The following SNX13 variants were observed in gnomAD, a reference collection of about 807,000 sequenced individuals.
The protein encoded by SNX13 is sorting nexin-13.
In SNX13, 45 loss-of-function variants were observed where a neutral mutation model predicts 133.6. The ratio of observed to expected loss-of-function variants is 0.34; its 90% CI spans 0.27 to 0.43. The LOEUF (loss-of-function observed/expected upper bound fraction) is 0.43, where lower values mean the gene tolerates loss of function less well. Ranked by LOEUF, SNX13 falls within the 20% of genes least tolerant of loss-of-function variation. The pLI, the probability that SNX13 is intolerant of heterozygous loss-of-function variation, is 1.00. For synonymous variants in SNX13, 414 were observed against 373.9 expected (o/e 1.11, Z -1.24); for missense variants, 1,032 against 1,145.1 (o/e 0.90, Z 1.43).
intron 11 of SNX13, among the ~76,000 whole-genome samples, chr7:17,848,522 A>G (rs145136171): frequency 3.3e-5 from 5 of 152,302 alleles, no homozygotes; most frequent in Admixed American, 6.5e-5. Flanking sequence ...GAGCTAAGAG[A>G]GCGCTGTAAC....
At chr7:17,826,877 G>C (rs1391234743) in intron 16 of SNX13, among the ~76,000 whole-genome samples, 1 of 152,062 alleles carries the variant, frequency 6.6e-6, no homozygotes, top group Non-Finnish European at 1.5e-5. Context: ...TAACATGGCA[G>C]CCTGAAACTG....
intron 1 of SNX13, among the ~76,000 whole-genome samples, chr7:17,916,704 T>C (rs1583770031): frequency 6.7e-6 from 1 of 148,264 alleles, no homozygotes; most frequent in African/African-American, 2.5e-5. Context: ...CTGGACCAGA[T>C]GGATTCACAG....
chr7:17,923,940 T>C (rs962733095), intron 1 of SNX13, among the ~76,000 whole-genome samples: 2 of 152,204 alleles, frequency 1.3e-5, no homozygotes, highest in African/African-American at 4.8e-5. Context: ...CTAGATATGA[T>C]AGAATTCATC....
At chr7:17,910,540 G>T (rs1271146149) in intron 1 of SNX13, among the ~76,000 whole-genome samples, 1 of 152,134 alleles carries the variant, frequency 6.6e-6, no homozygotes, top group Non-Finnish European at 1.5e-5. Context: ...ATTATGATAT[G>T]ACTCAGCAAT....
At chr7:17,902,565 G>A (rs1311972031) in intron 1 of SNX13, among the ~76,000 whole-genome samples, 1 of 151,956 alleles carries the variant, frequency 6.6e-6, no homozygotes, top group Non-Finnish European at 1.5e-5. Flanking sequence ...AAATAATTGG[G>A]TTCTAATTAT....
At chr7:17,926,778 TGGGG>T (rs1800797822) in intron 1 of SNX13, among the ~76,000 whole-genome samples, 1 of 151,930 alleles carries the variant, frequency 6.6e-6, no homozygotes, top group Non-Finnish European at 1.5e-5. Flanking sequence ...CCCAGCTACT[TGGGG>T]GGCTGAGGCA....
rs1254247266 is a variant in SNX13 at position 17,868,241 on chromosome 7, T to C, written c.837+166A>G. The C allele has an allele frequency of 5.1e-6, 3 of 590,512 alleles. No homozygotes were observed. In the African/African-American group the frequency reaches 5.8e-5, roughly 11 times the overall value. 36.6% of individuals were successfully genotyped at this position (590,512 alleles called of 1,614,324 possible). ...CTTAAAGAGAATTTGGCCAACACATTCAAAATATAAGCAAATAAAAATATT... is the reference window on the plus strand; with the variant it reads ...CTTAAAGAGAATTTGGCCAACACATCCAAAATATAAGCAAATAAAAATATT... On this transcript the variant is annotated intron_variant, in intron 9 of 25. Transcript: ENST00000428135.
rs1398070368 is a variant in SNX13 at position 17,857,942 on chromosome 7, A to T, written c.838-6978T>A. ...GAAGCACAAAAAACATTATCATTTC[A>T]ATAGATGTTGAAAAGGCATTCAATA... On this transcript the variant is annotated intron_variant, in intron 9 of 25. Transcript: ENST00000428135. 2.0e-5 allele frequency among the ~76,000 whole-genome samples: 3 copies of T among 152,230 alleles called. No individual in the cohort carries two copies. In the East Asian group the frequency reaches 5.8e-4, roughly 29 times the overall value.
chr7:17,899,400 A>G (rs1562492209), intron 1 of SNX13: 1 of 152,022 alleles, frequency 6.6e-6, no homozygotes, highest in Non-Finnish European at 1.5e-5. Flanking sequence ...TAAATTTTCT[A>G]CGCCTAACTC....
chr7:17,868,211 A>G, intron 9 of SNX13, 196 bp downstream of exon 9: 1 of 521,916 alleles, frequency 1.9e-6, no homozygotes, highest in Non-Finnish European at 3.3e-6. Flanking sequence ...ATAATCAACA[A>G]AATTCTTAAA....
chr7:17,910,980 C>T (rs1798917942), intron 1 of SNX13, among the ~76,000 whole-genome samples: 1 of 152,098 alleles, frequency 6.6e-6, no homozygotes, highest in Non-Finnish European at 1.5e-5. Flanking sequence ...GGTTGCATAC[C>T]ATGGTGAATG....
intron 15 of SNX13, among the ~76,000 whole-genome samples, chr7:17,832,833 A>G (rs1191041187): frequency 1.3e-5 from 2 of 151,544 alleles, no homozygotes; most frequent in Non-Finnish European, 3.0e-5. Flanking sequence ...AAAAGTTACT[A>G]AATTTCAAAT....
Position 17,839,924 on chromosome 7 carries a change from T to C in SNX13, c.1242A>G (p.Gln414=), listed in dbSNP as rs1583432635. The change falls in exon 13 of 26, where the codon CAA becomes CAG. Residue 414 remains glutamine (Q), a synonymous_variant. Coordinates refer to ENST00000428135, the MANE Select transcript of SNX13 (RefSeq NM_015132.5). ...GACTTAATAAAACTTCTAGCTGCTG[T>C]TGGGCGGTAACCCGGTATCCTTCCA... ...MTVEGYRVTA[Q]QQLEVLLSRQ... 7.4e-6 allele frequency: 12 copies of C among 1,612,160 alleles called. No individual in the cohort carries two copies. The East Asian group carries it at 2.5e-4, about 33-fold the overall frequency.
In SNX13 at chr7:17,893,364, A is replaced by C. The variant is rs1229777513; in HGVS notation, c.196T>G (p.Phe66Val). ...EKYLEQCEHS[F>V]LPPTSPGVPK... is the part of the protein sequence containing the mutation. Reference sequence around the variant, plus strand: ...ACCCCAGGTGATGTTGGAGGAAGAAATGAGTGTTCACACTGTTCTAGGTAC... The same window carrying C: ...ACCCCAGGTGATGTTGGAGGAAGAACTGAGTGTTCACACTGTTCTAGGTAC... The change falls in exon 3 of 26, where the codon TTT becomes GTT. Residue 66 changes from phenylalanine (F) to valine (V), a missense_variant. By Grantham distance (50) the Phe-to-Val change is conservative (BLOSUM62 -1). Transcript: ENST00000428135. 3 of 1,577,392 alleles carry C rather than the reference A, an allele frequency of 1.9e-6. No homozygotes were observed. The highest frequency in any genetic ancestry group is 1.8e-5 in the Admixed American group (1 of 55,402).
intron 1 of SNX13, among the ~76,000 whole-genome samples, chr7:17,928,596 C>T (rs1312059192): frequency 6.6e-6 from 1 of 151,850 alleles, no homozygotes; most frequent in African/African-American, 2.4e-5. Context: ...AATAATCAAA[C>T]ACAACTGATT....
chr7:17,825,842 A>T (rs1438631039), intron 17 of SNX13, among the ~76,000 whole-genome samples, 180 bp downstream of exon 17: 2 of 152,178 alleles, frequency 1.3e-5, no homozygotes, highest in African/African-American at 4.8e-5. Flanking sequence ...TCTTAGAGAG[A>T]TCAAATACAT....
At chr7:17,837,717 AT>A (rs1789312289) in intron 13 of SNX13, among the ~76,000 whole-genome samples, 1 of 152,008 alleles carries the variant, frequency 6.6e-6, no homozygotes, top group South Asian at 2.1e-4. Flanking sequence ...TTGAGGAAAA[AT>A]GGTTTTTAAA....
chr7:17,834,966 G>C (rs1459839352), intron 13 of SNX13, 101 bp from the exon 14 acceptor site: 1 of 692,278 alleles, frequency 1.4e-6, no homozygotes, highest in African/African-American at 1.9e-5. Flanking sequence ...AAAATAACTG[G>C]CAGGTAAGAA....
At chr7:17,900,993 C>T (rs987406840) in intron 1 of SNX13, among the ~76,000 whole-genome samples, 3 of 151,744 alleles carry the variant, frequency 2.0e-5, no homozygotes, top group South Asian at 2.1e-4. Flanking sequence ...CCTACTGCTA[C>T]TGATTATTCA....
Sources: allele counts gnomAD v4.1 joint callset (sites outside exome capture counted in the v4.1 genomes callset), GRCh38; gene constraint gnomAD v4.1.1; transcripts MANE v1.5; gene names NCBI Gene and HGNC (gene_info 2026-07-23, HGNC 2026-07-21).